STK32B: variants seen among roughly 807,000 people sequenced by gnomAD.
STK32B encodes the protein serine/threonine kinase 32B, also known as serine/threonine-protein kinase 32B.
A neutral mutation model predicts 52.6 loss-of-function variants in STK32B; 43 were observed. The ratio of observed to expected loss-of-function variants is 0.82; its 90% confidence interval spans 0.64 to 1.05. The LOEUF (loss-of-function observed/expected upper bound fraction) is 1.05, where lower values mean the gene tolerates loss of function less well. STK32B is among the 50% of genes least tolerant of loss of function. The probability of loss-of-function intolerance (pLI) is 0.00; values close to 1 mark genes in which losing one functional copy is unlikely to be tolerated. For missense variants in STK32B, 621 were observed against 534.6 expected, an observed-to-expected ratio of 1.16 and a Z score of -1.59; for synonymous variants, 238 against 204.3, an observed-to-expected ratio of 1.17 and a Z score of -1.41.
intron 3 of STK32B, among the ~76,000 whole-genome samples, chr4:5,185,863 C>A (rs186130373): frequency 2.0e-5 from 3 of 152,312 alleles, no homozygotes; most frequent in Admixed American, 6.5e-5. Context: ...TGTACAGTCT[C>A]ATCCCCTGAC....
In STK32B at chr4:5,176,323, G is replaced by A. The variant is rs1455911465; in HGVS notation, c.260+7873G>A. On this transcript the variant is annotated intron_variant, in intron 3 of 11. Coordinates refer to ENST00000282908, the MANE Select transcript of STK32B (RefSeq NM_018401.3). ...ACCCACTGTTCTGCACCCACTGTCC[G>A]GCACTCCCCAGTGAGATGAACCCGG... Among the ~76,000 whole-genome samples, 6 of 152,196 alleles carry A rather than the reference G, an allele frequency of 3.9e-5. No individual in the cohort carries two copies. In the South Asian group the frequency reaches 6.2e-4, roughly 16 times the overall value.
chr4:5,485,705 C>T (rs1029546675), intron 11 of STK32B, among the ~76,000 whole-genome samples: 1 of 152,142 alleles, frequency 6.6e-6, no homozygotes, highest in African/African-American at 2.4e-5. Context: ...GTTTTTTCCC[C>T]ATCTTTGTGG....
intron 3 of STK32B, among the ~76,000 whole-genome samples, chr4:5,218,173 C>T (rs985332200): frequency 6.6e-6 from 1 of 152,140 alleles, no homozygotes; most frequent in Non-Finnish European, 1.5e-5. Flanking sequence ...GTAACACAGG[C>T]TACTGGGCCG....
At chr4:5,315,044 AGAG>A (rs1730570706) in intron 3 of STK32B, among the ~76,000 whole-genome samples, 1 of 152,162 alleles carries the variant, frequency 6.6e-6, no homozygotes. Flanking sequence ...GACAAGCTAC[AGAG>A]GAGAAGAAAA....
chr4:5,152,710 T>A (rs2108847316), intron 2 of STK32B, among the ~76,000 whole-genome samples: 1 of 152,382 alleles, frequency 6.6e-6, no homozygotes, highest in African/African-American at 2.4e-5. Context: ...GTCCTGCACC[T>A]TTGGCTTGCT....
At position 5,500,676 on chromosome 4, in the gene STK32B, A is replaced by AAT. The variant is rs1346376750; in HGVS notation, c.*1595_*1596dup. 5.3e-5 allele frequency: 8 copies of AAT among 152,162 alleles called. No homozygotes were observed. The highest frequency in any genetic ancestry group is 1.2e-4 in the Non-Finnish European group (8 of 68,040). 9.4% of individuals were successfully genotyped at this position (152,162 alleles called of 1,614,324 possible). ...TTATATTTTTATTTTTTAAAAAAGA[A>AAT]ATAGTCAGTGTTTTCCTCCTTTCAA... On this transcript the variant is annotated 3_prime_UTR_variant, in exon 12 of 12. Transcript: ENST00000282908.
At chr4:5,070,117 A>G (rs1010730979) in intron 1 of STK32B, among the ~76,000 whole-genome samples, 1 of 152,192 alleles carries the variant, frequency 6.6e-6, no homozygotes, top group African/African-American at 2.4e-5. Flanking sequence ...CCCAGCTGTC[A>G]GGCGGTTCTT....
intron 1 of STK32B, among the ~76,000 whole-genome samples, chr4:5,122,436 C>T (rs1344140163): frequency 1.3e-5 from 2 of 149,634 alleles, no homozygotes; most frequent in East Asian, 3.9e-4. Context: ...TAACCTACTT[C>T]ACTCATTCAC....
chr4:5,234,555 A>G (rs74622174), intron 3 of STK32B, among the ~76,000 whole-genome samples: 3,361 of 152,368 alleles, frequency 0.022, 128 homozygotes, highest in African/African-American at 0.075. Flanking sequence ...AGCTCATAAA[A>G]TAACTATATA....
At chr4:5,372,410 T>C (rs969754882) in intron 4 of STK32B, among the ~76,000 whole-genome samples, 21 of 152,136 alleles carry the variant, frequency 1.4e-4, no homozygotes, top group African/African-American at 4.6e-4. Context: ...TGTCATTCTT[T>C]TTGCAGGAGC....
At chr4:5,264,913 C>T (rs974385194) in intron 3 of STK32B, among the ~76,000 whole-genome samples, 12 of 152,094 alleles carry the variant, frequency 7.9e-5, no homozygotes, top group Admixed American at 2.0e-4. Flanking sequence ...TTATTAGTGA[C>T]GTCTTGATGC....
intron 1 of STK32B, among the ~76,000 whole-genome samples, chr4:5,086,937 G>C (rs1712763357): frequency 6.6e-6 from 1 of 152,180 alleles, no homozygotes; most frequent in African/African-American, 2.4e-5. Flanking sequence ...AGATAGTAAA[G>C]AGAGTCATTC....
intron 3 of STK32B, among the ~76,000 whole-genome samples, chr4:5,189,121 T>C (rs546835180): frequency 6.6e-6 from 1 of 151,974 alleles, no homozygotes; most frequent in East Asian, 1.9e-4. Flanking sequence ...ACCACAGTGG[T>C]ATAATTTTTA....
At chr4:5,279,957 C>G (rs1423673169) in intron 3 of STK32B, among the ~76,000 whole-genome samples, 1 of 152,202 alleles carries the variant, frequency 6.6e-6, no homozygotes, top group Non-Finnish European at 1.5e-5. Context: ...CATTTTCCTT[C>G]TAGGCCTCCA....
chr4:5,451,781 G>A (rs1342218028), intron 7 of STK32B, among the ~76,000 whole-genome samples: 1 of 152,130 alleles, frequency 6.6e-6, no homozygotes, highest in African/African-American at 2.4e-5. Flanking sequence ...TCCAAACATT[G>A]CCACATATCC....
At position 5,396,959 on chromosome 4, in the gene STK32B, C is replaced by T. The variant is rs1353991123; in HGVS notation, c.435-1248C>T. ...TTGTTCACAGTGGAGGCTTTGTGAC[C>T]TCGGCAGCAGGGGCCCACGTACTCA... On this transcript the variant is annotated intron_variant, in intron 4 of 11. Transcript: ENST00000282908. This position sits in a 1 kb window ranked among gnomAD's most constrained non-coding sequence, Gnocchi z 4.7. Among the ~76,000 whole-genome samples the T allele has an allele frequency of 6.6e-6, 1 of 152,150 alleles. No individual in the cohort carries two copies. Among genetic ancestry groups the T allele is most frequent in the Non-Finnish European group, 1.5e-5 (1 of 68,034 alleles).
At chr4:5,446,965 CATT>C in intron 7 of STK32B, 189 bp downstream of exon 7, 1 of 564,786 alleles carries the variant, frequency 1.8e-6, no homozygotes, top group Non-Finnish European at 3.2e-6. Context: ...CCAACCCACT[CATT>C]GTACAGATGG....
intron 11 of STK32B, among the ~76,000 whole-genome samples, chr4:5,493,352 C>G (rs1184242574): frequency 1.3e-5 from 2 of 152,256 alleles, no homozygotes; most frequent in East Asian, 1.9e-4. Context: ...TCTAGATTTT[C>G]TAGTTTATTT....
intron 11 of STK32B, among the ~76,000 whole-genome samples, chr4:5,479,903 G>A (rs1026310160): frequency 1.3e-5 from 2 of 151,988 alleles, no homozygotes; most frequent in African/African-American, 4.8e-5. Flanking sequence ...ATATGTAAAT[G>A]GCTAAAAGCA....
Sources: allele counts gnomAD v4.1 joint callset (sites outside exome capture counted in the v4.1 genomes callset), GRCh38; gene constraint gnomAD v4.1.1; non-coding constraint Gnocchi (gnomAD v3.1); transcripts MANE v1.5; gene names NCBI Gene and HGNC (gene_info 2026-07-23, HGNC 2026-07-21).